The following PTGR1 variants were observed in gnomAD, a reference collection of about 807,000 sequenced individuals.
PTGR1 encodes 15-oxoprostaglandin 13-reductase.
Under a neutral mutation model 37.7 loss-of-function variants are expected in PTGR1, and 23 were observed. That is an observed-to-expected ratio of 0.61 (90% CI 0.44 to 0.86). The LOEUF (loss-of-function observed/expected upper bound fraction) is 0.86, where lower values mean the gene tolerates loss of function less well. Among genes scored for constraint, PTGR1 ranks in the 40% least tolerant of loss-of-function variants. The probability of loss-of-function intolerance (pLI) is 0.00; values close to 1 mark genes in which losing one functional copy is unlikely to be tolerated. For missense variants in PTGR1, 351 were observed against 394.3 expected, an observed-to-expected ratio of 0.89 and a Z score of 0.93; for synonymous variants, 134 against 140.0, an observed-to-expected ratio of 0.96 and a Z score of 0.30.
intron 4 of PTGR1, among the ~76,000 whole-genome samples, chr9:111,589,099 G>A (rs1320155846): frequency 1.3e-5 from 2 of 152,214 alleles, no homozygotes; most frequent in East Asian, 3.8e-4. Context: ...ATCAATGTAT[G>A]AGTGTATTAT....
chr9:111,576,807 T>C (rs947174098), intron 7 of PTGR1: 1 of 156,970 alleles, frequency 6.4e-6, no homozygotes, highest in African/African-American at 2.4e-5. Context: ...TAAAGAACTC[T>C]TGGCCAGGTG....
Position 111,589,997 on chromosome 9 carries a change from A to C in PTGR1, c.209+2929T>G, listed in dbSNP as rs569884902. On this transcript the variant is annotated intron_variant, in intron 4 of 9. Coordinates refer to ENST00000407693, the MANE Select transcript of PTGR1 (RefSeq NM_001146108.2). ...CTTTCTAAGCATGAGATGAAACCAAAGGACCATAATTATAAATACTTACAA... is the reference window on the plus strand; with the variant it reads ...CTTTCTAAGCATGAGATGAAACCAACGGACCATAATTATAAATACTTACAA... Among the ~76,000 whole-genome samples the C allele has an allele frequency of 3.9e-5, 6 of 152,352 alleles. No homozygotes were observed. In the South Asian group the frequency reaches 8.3e-4, roughly 21 times the overall value.
chr9:111,572,756 CAAAAA>C (rs58101079), intron 8 of PTGR1, among the ~76,000 whole-genome samples: 1 of 63,510 alleles, frequency 1.6e-5, no homozygotes, highest in Non-Finnish European at 2.8e-5. Context: ...GACCCTGTCT[CAAAAA>C]AAAAAAAAAA....
At chr9:111,570,499 G>A (rs1004169011) in intron 8 of PTGR1, among the ~76,000 whole-genome samples, 13 of 152,028 alleles carry the variant, frequency 8.6e-5, no homozygotes, top group African/African-American at 2.4e-4. Flanking sequence ...GGGGTGGCGC[G>A]GTGGCTCACA....
intron 9 of PTGR1, 163 bp from the exon 10 acceptor site, chr9:111,563,394 C>A (rs1174683252): frequency 8.1e-6 from 5 of 613,574 alleles, no homozygotes; most frequent in South Asian, 7.8e-5. Context: ...GGGGCAAGAT[C>A]CACTTACACA....
chr9:111,596,666 C>A (rs1034721189), intron 2 of PTGR1, among the ~76,000 whole-genome samples: 1 of 151,820 alleles, frequency 6.6e-6, no homozygotes, highest in African/African-American at 2.4e-5. Flanking sequence ...GTGGCTGAGG[C>A]AGGGAGAATT....
In PTGR1 at chr9:111,570,149, C is replaced by A. The variant is rs545572614; in HGVS notation, c.821G>T (p.Arg274Leu). The change falls in exon 9 of 10, where the codon CGC becomes CTC. Residue 274 changes from arginine to leucine, a missense_variant. Physicochemically the swap from Arg to Leu is moderately radical, Grantham distance 102 (BLOSUM62 -2). Coordinates refer to ENST00000407693, the MANE Select transcript of PTGR1 (RefSeq NM_001146108.2). ...ELRMEAFVVY[R>L]WQGDARQKAL... The stretch of plus-strand genomic sequence containing the variant: ...TTTTTGGCGGGCATCTCCTTGCCAG[C>A]GGTAGACGACAAAAGCTTCCATGCG... 4 of 1,613,952 alleles carry A rather than the reference C, an allele frequency of 2.5e-6. No homozygotes were observed. Among genetic ancestry groups the A allele is most frequent in the South Asian group, 1.1e-5 (1 of 91,080 alleles).
chr9:111,570,355 C>T (rs540941510), intron 8 of PTGR1, 146 bp from the exon 9 acceptor site: 41 of 1,354,484 alleles, frequency 3.0e-5, no homozygotes, highest in East Asian at 5.1e-5. Flanking sequence ...TTCTGATCCA[C>T]GGGACTGCTG....
At chr9:111,583,429 A>G (rs747895006) in intron 6 of PTGR1, 43 bp downstream of exon 6, 35 of 1,489,014 alleles carry the variant, frequency 2.4e-5, no homozygotes, top group Middle Eastern at 1.7e-4. Flanking sequence ...TGCATTCCCA[A>G]TGGGTTTTGA....
intron 8 of PTGR1, 110 bp downstream of exon 8, chr9:111,574,624 T>A: frequency 2.4e-5 from 16 of 658,294 alleles, no homozygotes; most frequent in East Asian, 6.5e-5. Context: ...AAAAAAAGAA[T>A]ATATGAAAAT....
At chr9:111,565,987 G>C (rs917560528) in intron 9 of PTGR1, among the ~76,000 whole-genome samples, 6 of 152,076 alleles carry the variant, frequency 3.9e-5, no homozygotes, top group Admixed American at 6.6e-5. Context: ...TGAGGCAGGA[G>C]AATCACTTGA....
intron 3 of PTGR1, 100 bp downstream of exon 3, chr9:111,594,122 G>T: frequency 8.2e-7 from 1 of 1,223,966 alleles, no homozygotes; most frequent in Non-Finnish European, 1.2e-6. Context: ...CAGAAGGAAA[G>T]TGACAATGTT....
In PTGR1 at chr9:111,570,138, C is replaced by T; in HGVS notation, c.832G>A (p.Asp278Asn). 2 of 1,614,140 alleles carry T rather than the reference C, an allele frequency of 1.2e-6. No homozygotes were observed. The highest frequency in any genetic ancestry group is 2.7e-5 in the African/African-American group (2 of 75,024). ...EAFVVYRWQG[D>N]ARQKALKDLL... Reference sequence around the variant, plus strand: ...TCCTTCAGAGCTTTTTGGCGGGCATCTCCTTGCCAGCGGTAGACGACAAAA... The same window carrying T: ...TCCTTCAGAGCTTTTTGGCGGGCATTTCCTTGCCAGCGGTAGACGACAAAA... Residue 278 changes from aspartate (D) to asparagine (N), a missense_variant, in exon 9 of 10, where the codon GAT (aspartate) becomes AAT (asparagine). Physicochemically the swap from Asp to Asn is conservative, Grantham distance 23. Coordinates refer to ENST00000407693, the MANE Select transcript of PTGR1 (RefSeq NM_001146108.2).
chr9:111,590,761 C>G (rs1829585609), intron 4 of PTGR1, among the ~76,000 whole-genome samples: 1 of 152,088 alleles, frequency 6.6e-6, no homozygotes, highest in Admixed American at 6.6e-5. Flanking sequence ...TAATGTAAAG[C>G]AATACTCATC....
At chr9:111,575,675 C>T (rs529376782) in intron 7 of PTGR1, among the ~76,000 whole-genome samples, 4 of 152,276 alleles carry the variant, frequency 2.6e-5, no homozygotes, top group South Asian at 2.1e-4. Context: ...ATAAACGTGC[C>T]GAACAACTGG....
intron 9 of PTGR1, among the ~76,000 whole-genome samples, chr9:111,555,240 C>A (rs1440882973): frequency 6.6e-6 from 1 of 152,128 alleles, no homozygotes; most frequent in South Asian, 2.1e-4. Flanking sequence ...CCTCTCATTT[C>A]CTGTGGGAAT....
intron 4 of PTGR1, among the ~76,000 whole-genome samples, chr9:111,590,149 G>A (rs1829566623): frequency 6.6e-6 from 1 of 152,004 alleles, no homozygotes; most frequent in Non-Finnish European, 1.5e-5. Context: ...CGAATGATAA[G>A]ACCTAAAGGA....
intron 7 of PTGR1, among the ~76,000 whole-genome samples, chr9:111,578,234 T>A (rs2132390659): frequency 6.6e-6 from 1 of 152,270 alleles, no homozygotes; most frequent in South Asian, 2.1e-4. Context: ...AGGGAGCAGT[T>A]TCATTGGAAG....
At chr9:111,550,704 C>G (rs1481185449) in intron 9 of PTGR1, among the ~76,000 whole-genome samples, 2 of 152,190 alleles carry the variant, frequency 1.3e-5, no homozygotes, top group African/African-American at 4.8e-5. Flanking sequence ...ATTTCTTCAA[C>G]TTTATCTTCC....
Sources: allele counts gnomAD v4.1 joint callset (sites outside exome capture counted in the v4.1 genomes callset), GRCh38; gene constraint gnomAD v4.1.1; transcripts MANE v1.5; gene names NCBI Gene and HGNC (gene_info 2026-07-23, HGNC 2026-07-21).